FBXW11: variants seen among roughly 807,000 people sequenced by gnomAD.
FBXW11 encodes the protein F-box and WD repeat domain containing 11, also known as F-box/WD repeat-containing protein 11.
In FBXW11, 19 loss-of-function variants were observed where a neutral mutation model predicts 77.6. The ratio of observed to expected loss-of-function variants is 0.24; its 90% confidence interval spans 0.17 to 0.36. The LOEUF is 0.36. Ranked by LOEUF, FBXW11 falls within the 10% of genes least tolerant of loss-of-function variation. The pLI, the probability that FBXW11 is intolerant of heterozygous loss-of-function variation, is 1.00. For synonymous variants in FBXW11, 235 were observed against 249.4 expected, an observed-to-expected ratio of 0.94 and a Z score of 0.54; for missense variants, 334 against 704.2, an observed-to-expected ratio of 0.47 and a Z score of 5.95.
chr5:171,923,848 T>C (rs997017569), intron 2 of FBXW11, among the ~76,000 whole-genome samples: 6 of 148,398 alleles, frequency 4.0e-5, no homozygotes, highest in African/African-American at 1.5e-4. Flanking sequence ...ACACACGTGA[T>C]AGCAGCAGAA....
chr5:171,991,625 A>G (rs1328534770), intron 1 of FBXW11, among the ~76,000 whole-genome samples: 1 of 152,234 alleles, frequency 6.6e-6, no homozygotes, highest in East Asian at 1.9e-4. Context: ...TTCACTGTTC[A>G]GGTTCTGTTT....
intron 4 of FBXW11, among the ~76,000 whole-genome samples, chr5:171,909,403 T>C (rs1032563255): frequency 6.6e-6 from 1 of 152,248 alleles, no homozygotes; most frequent in East Asian, 1.9e-4. Context: ...TTAAGGCAGA[T>C]ATATGTCATT....
At chr5:171,986,721 C>T (rs533823369) in intron 1 of FBXW11, among the ~76,000 whole-genome samples, 5 of 109,984 alleles carry the variant, frequency 4.5e-5, no homozygotes, top group South Asian at 4.2e-4. Context: ...AGTGAGACTC[C>T]GTCTCAAAAA....
At chr5:171,923,896 G>A (rs977975231) in intron 2 of FBXW11, among the ~76,000 whole-genome samples, 6 of 145,724 alleles carry the variant, frequency 4.1e-5, no homozygotes, top group South Asian at 2.2e-4. Flanking sequence ...GAGGGTCCGC[G>A]GTGAAACCCC....
rs1757119340 is a variant in FBXW11, at chr5:171,862,001, A to G, written c.*2126T>C. 6.6e-6 allele frequency: 1 copy of G among 152,664 alleles called. No individual in the cohort carries two copies. The highest frequency in any genetic ancestry group is 1.5e-5 in the Non-Finnish European group (1 of 68,046). The allele number at this position is 152,664 out of a possible 1,614,324, so 9.5% of individuals were successfully genotyped here. A position where few individuals can be genotyped will look rare whatever the true frequency, so the allele number is the denominator to read the frequency against. On this transcript the variant is annotated 3_prime_UTR_variant, in exon 14 of 14. Transcript: ENST00000517395. ...AGTCCCCTGCTATAATTTAGTAGGC[A>G]CAATTCAAAGGTTGTCTGCATATTC... is the stretch of plus-strand genomic sequence containing the variant.
rs5873291 is a variant in FBXW11, at chr5:171,904,196, GGC to G, written c.437-4098_437-4097del. Reference sequence around the variant, plus strand: ...TAATCCCAGCTACTTGGCAGGATGAGGCGCGCGAGAACCACTTGAACCTAGGA... The same window carrying G: ...TAATCCCAGCTACTTGGCAGGATGAGGCGCGAGAACCACTTGAACCTAGGA... On this transcript the variant is annotated intron_variant, in intron 4 of 13. Transcript: ENST00000517395. The surrounding 1 kb of genome is among the most constrained non-coding windows in gnomAD (Gnocchi z 4.0). Among the ~76,000 whole-genome samples the G allele has an allele frequency of 0.93, 141,880 of 152,114 alleles. 66,238 individuals are homozygous for G. The highest frequency in any genetic ancestry group is 1 in the East Asian group (5,169 of 5,170).
At chr5:171,953,322 A>G (rs911771947) in intron 2 of FBXW11, among the ~76,000 whole-genome samples, 4 of 152,186 alleles carry the variant, frequency 2.6e-5, no homozygotes, top group Admixed American at 2.6e-4. Flanking sequence ...GTGTCTATAA[A>G]ATACTACAGA....
intron 1 of FBXW11, among the ~76,000 whole-genome samples, chr5:171,973,299 T>G (rs1255902934): frequency 6.6e-6 from 1 of 152,088 alleles, no homozygotes; most frequent in African/African-American, 2.4e-5. Context: ...GCTTCTTCAA[T>G]AAATAAATGG....
intron 1 of FBXW11, among the ~76,000 whole-genome samples, chr5:171,978,296 T>C (rs1764950520): frequency 1.3e-5 from 2 of 152,130 alleles, no homozygotes; most frequent in Admixed American, 1.3e-4. Context: ...ACCAAAATCA[T>C]CAAAGGAATA....
At chr5:171,889,038 G>C (rs1324451308) in intron 7 of FBXW11, among the ~76,000 whole-genome samples, 1 of 152,144 alleles carries the variant, frequency 6.6e-6, no homozygotes, top group Non-Finnish European at 1.5e-5. Flanking sequence ...GTATTTATGT[G>C]ATTAGAGTCT....
At chr5:171,902,577 T>A (rs1284488572) in intron 4 of FBXW11, among the ~76,000 whole-genome samples, 2 of 152,080 alleles carry the variant, frequency 1.3e-5, no homozygotes, top group Non-Finnish European at 2.9e-5. Context: ...AATAGCTAAA[T>A]CCCCCAAAAA....
rs1192814845 is a variant in FBXW11 at position 171,968,432 on chromosome 5, G to A, written c.46-10734C>T. On this transcript the variant is annotated intron_variant, in intron 1 of 13. Coordinates refer to ENST00000517395, the MANE Select transcript of FBXW11 (RefSeq NM_001378974.1). The stretch of plus-strand genomic sequence containing the variant: ...GAGATCAGCCATTGCACTCCAGCCT[G>A]GGCGAAAGAGCCAGACTCTGTCTCA... Among the ~76,000 whole-genome samples, 6 of 149,648 alleles carry A rather than the reference G, an allele frequency of 4.0e-5. No homozygotes were observed. The East Asian group carries it at 7.9e-4, about 20-fold the overall frequency.
intron 7 of FBXW11, among the ~76,000 whole-genome samples, chr5:171,889,936 C>T (rs1338711017): frequency 1.3e-5 from 2 of 151,896 alleles, no homozygotes; most frequent in African/African-American, 4.8e-5. Context: ...AGACAACTCA[C>T]TAATTGGGAA....
chr5:172,005,308 A>T (rs1343239339), intron 1 of FBXW11, among the ~76,000 whole-genome samples: 1 of 152,232 alleles, frequency 6.6e-6, no homozygotes, highest in Non-Finnish European at 1.5e-5. Context: ...AAAGATACAA[A>T]GAAACTGTCA....
intron 2 of FBXW11, among the ~76,000 whole-genome samples, chr5:171,928,960 C>T (rs1435376481): frequency 6.6e-6 from 1 of 152,088 alleles, no homozygotes; most frequent in Non-Finnish European, 1.5e-5. Flanking sequence ...GTAATCCCAG[C>T]TACTTGGGAA....
At chr5:172,004,867 G>GCA (rs112994412) in intron 1 of FBXW11, among the ~76,000 whole-genome samples, 3,392 of 149,350 alleles carry the variant, frequency 0.023, 52 homozygotes, top group Middle Eastern at 0.027. Context: ...AACCCCACGT[G>GCA]CACACACACA....
chr5:171,966,964 C>A (rs1764224108), intron 1 of FBXW11, among the ~76,000 whole-genome samples: 2 of 152,140 alleles, frequency 1.3e-5, no homozygotes, highest in South Asian at 4.1e-4. Context: ...AAATCACTTG[C>A]CAGAGGTCAA....
At chr5:171,959,319 T>C (rs1430568483) in intron 1 of FBXW11, among the ~76,000 whole-genome samples, 1 of 151,952 alleles carries the variant, frequency 6.6e-6, no homozygotes, top group Non-Finnish European at 1.5e-5. Flanking sequence ...AGGTGCTGAA[T>C]AAAATAATGA....
intron 7 of FBXW11, among the ~76,000 whole-genome samples, chr5:171,878,603 A>AGAGAGTGTGTGTGTGT: frequency 7.8e-6 from 1 of 128,582 alleles, no homozygotes; most frequent in African/African-American, 2.9e-5. Flanking sequence ...AGAGAGAGAG[A>AGAGAGTGTGTGTGTGT]GTGTGTGTGT....
Sources: allele counts gnomAD v4.1 joint callset (sites outside exome capture counted in the v4.1 genomes callset), GRCh38; gene constraint gnomAD v4.1.1; non-coding constraint Gnocchi (gnomAD v3.1); transcripts MANE v1.5; gene names NCBI Gene and HGNC (gene_info 2026-07-23, HGNC 2026-07-21).